CIMIP4: variants seen among roughly 807,000 people sequenced by gnomAD.
The protein encoded by CIMIP4 is protein EAN57.
chr22:37,003,732 A>G, the CIMIP4 span, among the ~76,000 whole-genome samples: 2 of 152,176 alleles, frequency 1.3e-5, no homozygotes, highest in African/African-American at 2.4e-5. Context: ...TGGAGACCAT[A>G]TCGGGGTGAT....
chr22:36,992,839 C>T, the CIMIP4 span, among the ~76,000 whole-genome samples: 17 of 151,426 alleles, frequency 1.1e-4, no homozygotes, highest in East Asian at 1.4e-3. Flanking sequence ...GGGCTGGGCG[C>T]GGTGGCTCAC....
At chr22:37,005,009 T>G in the CIMIP4 span, among the ~76,000 whole-genome samples, 1 of 152,114 alleles carries the variant, frequency 6.6e-6, no homozygotes, top group African/African-American at 2.4e-5. Context: ...TTTTGTTTGC[T>G]CTCTTTCCCT....
chr22:37,005,551 C>T, the CIMIP4 span, among the ~76,000 whole-genome samples: 2 of 105,650 alleles, frequency 1.9e-5, no homozygotes, highest in Non-Finnish European at 3.8e-5. Context: ...TCACCTTAAA[C>T]AGTTTTTTTT....
At chr22:37,000,007 C>A in the CIMIP4 span, 2 of 1,599,406 alleles carry the variant, frequency 1.3e-6, no homozygotes, top group Non-Finnish European at 1.7e-6. Flanking sequence ...GCAGGGATGA[C>A]AGACAGGGGA....
chr22:37,001,257 T>A, the CIMIP4 span, among the ~76,000 whole-genome samples: 26 of 151,658 alleles, frequency 1.7e-4, no homozygotes, highest in African/African-American at 5.8e-4. Context: ...TGTGATACGC[T>A]CACCATGTAT....
chr22:36,994,616 C>T, the CIMIP4 span, among the ~76,000 whole-genome samples: 7 of 147,314 alleles, frequency 4.8e-5, no homozygotes, highest in Non-Finnish European at 8.9e-5. Context: ...ATCTGCCTGG[C>T]TCCGCCTCCT....
chr22:36,998,213 T>C, the CIMIP4 span, among the ~76,000 whole-genome samples: 1 of 152,124 alleles, frequency 6.6e-6, no homozygotes, highest in South Asian at 2.1e-4. Context: ...TGACCGATAG[T>C]TGTTAAAGAG....
At chr22:36,992,142 T>A in the CIMIP4 span, among the ~76,000 whole-genome samples, 1 of 151,812 alleles carries the variant, frequency 6.6e-6, no homozygotes, top group East Asian at 1.9e-4. Flanking sequence ...AGGTCAGGGG[T>A]TCGAGACCAG....
the CIMIP4 span, chr22:36,999,906 C>T: frequency 1.2e-6 from 2 of 1,613,868 alleles, no homozygotes; most frequent in Non-Finnish European, 1.7e-6. Flanking sequence ...GAGGAGATTT[C>T]CACAGGATTC....
At chr22:37,007,354 C>G in the CIMIP4 span, 5 of 152,184 alleles carry the variant, frequency 3.3e-5, no homozygotes, top group African/African-American at 4.8e-5. Context: ...GAAAATGAGG[C>G]TCCGAAAAGA....
chr22:36,993,993 G>C, the CIMIP4 span, among the ~76,000 whole-genome samples: 2 of 152,140 alleles, frequency 1.3e-5, no homozygotes, highest in Admixed American at 6.6e-5. Context: ...ACCAAAAGCA[G>C]TCTGGTCTAA....
At chr22:37,003,868 C>T in the CIMIP4 span, 22 of 1,305,188 alleles carry the variant, frequency 1.7e-5, no homozygotes, top group Middle Eastern at 2.1e-4. Context: ...CAACACAAGA[C>T]GGAGCGGGAG....
At chr22:37,000,845 C>T in the CIMIP4 span, among the ~76,000 whole-genome samples, 1 of 152,200 alleles carries the variant, frequency 6.6e-6, no homozygotes, top group Non-Finnish European at 1.5e-5. Context: ...TGGGGCAGAA[C>T]ATGTCAAGAC....
chr22:37,001,948 C>T, the CIMIP4 span: 1 of 1,613,892 alleles, frequency 6.2e-7, no homozygotes, highest in African/African-American at 1.3e-5. Flanking sequence ...GGTCCTGAGC[C>T]CCCAAGCTGG....
chr22:36,991,533 C>A, the CIMIP4 span: 1 of 1,614,178 alleles, frequency 6.2e-7, no homozygotes, highest in South Asian at 1.1e-5. Context: ...TCACTGATTT[C>A]TCAATGACCT....
the CIMIP4 span, among the ~76,000 whole-genome samples, chr22:37,002,893 C>T: frequency 6.6e-6 from 1 of 152,260 alleles, no homozygotes; most frequent in East Asian, 1.9e-4. Flanking sequence ...TGGCACCATC[C>T]CAGCCACCTC....
chr22:37,004,697 T>C, the CIMIP4 span, among the ~76,000 whole-genome samples: 2 of 151,668 alleles, frequency 1.3e-5, no homozygotes, highest in Non-Finnish European at 2.9e-5. Flanking sequence ...ATCTTTCTTT[T>C]TTTTTTTTGA....
chr22:37,007,186 T>A, the CIMIP4 span, among the ~76,000 whole-genome samples: 1 of 152,190 alleles, frequency 6.6e-6, no homozygotes, highest in African/African-American at 2.4e-5. Flanking sequence ...AATGTTGTCT[T>A]AAGCCCACTA....
At chr22:36,991,458 A>G in the CIMIP4 span, 18 of 1,610,064 alleles carry the variant, frequency 1.1e-5, no homozygotes, top group Non-Finnish European at 1.5e-5. Context: ...CCTGCCTCCC[A>G]TCACCCGCAG....
Sources: gnomAD v4.1 joint callset for allele counts (sites outside exome capture counted in the v4.1 genomes callset) on GRCh38, gnomAD v4.1.1 for gene constraint, MANE v1.5 for transcripts, NCBI Gene and HGNC (gene_info 2026-07-23, HGNC 2026-07-21) for gene names.